ZNF808: variants seen among roughly 807,000 people sequenced by gnomAD.
The protein encoded by ZNF808 is zinc finger protein 808.
A neutral mutation model predicts 8.7 loss-of-function variants in ZNF808; 5 were observed. The ratio of observed to expected loss-of-function variants is 0.58; its 90% CI spans 0.30 to 1.21. The LOEUF is 1.21. Ranked by LOEUF, ZNF808 falls within the 50% of genes most tolerant of loss-of-function variation. The pLI, the probability that ZNF808 is intolerant of heterozygous loss-of-function variation, is 0.07. For synonymous variants in ZNF808, 380 were observed against 366.0 expected (o/e 1.04, Z -0.44); for missense variants, 1,103 against 1,098.4 (o/e 1.00, Z -0.06).
intron 4 of ZNF808, among the ~76,000 whole-genome samples, chr19:52,550,094 T>C (rs1264211226): frequency 1.3e-5 from 2 of 152,232 alleles, no homozygotes; most frequent in Admixed American, 1.3e-4. Flanking sequence ...CCTAAGAACA[T>C]GTCGTGGGAT....
chr19:52,564,285 C>T (rs1036257305), exon 4 of ZNF808: 5 of 695,148 alleles, frequency 7.2e-6, no homozygotes, highest in East Asian at 2.7e-5. Flanking sequence ...ATCATAATCA[C>T]GTTACTTAAG....
chr19:52,549,604 A>T (rs2059755690), intron 4 of ZNF808, among the ~76,000 whole-genome samples: 1 of 152,010 alleles, frequency 6.6e-6, no homozygotes, highest in African/African-American at 2.4e-5. Flanking sequence ...ACTTTCGTCC[A>T]AGCTCAAGAT....
intron 1 of ZNF808, among the ~76,000 whole-genome samples, chr19:52,530,705 T>C (rs1410338037): frequency 6.6e-6 from 1 of 150,486 alleles, no homozygotes; most frequent in Non-Finnish European, 1.5e-5. Context: ...ACATCAAAGT[T>C]GGGCCTGGTG....
downstream of ZNF808, among the ~76,000 whole-genome samples, chr19:52,561,177 TC>T (rs1164737355): frequency 4.4e-5 from 2 of 45,796 alleles, no homozygotes; most frequent in Middle Eastern, 0.01. Flanking sequence ...TCTCTCTCTC[TC>T]TCTCTCTCTC....
chr19:52,550,299 C>G (rs1423647496), intron 4 of ZNF808, among the ~76,000 whole-genome samples: 2 of 151,080 alleles, frequency 1.3e-5, no homozygotes, highest in Non-Finnish European at 2.9e-5. Flanking sequence ...TGCACAATCT[C>G]AGTTCACCAC....
chr19:52,543,213 A>C, intron 2 of ZNF808, 53 bp from the exon 3 acceptor site: 1 of 1,580,402 alleles, frequency 6.3e-7, no homozygotes, highest in Middle Eastern at 1.7e-4. Context: ...GTTTTGTCAC[A>C]GGAAGGGAGT....
At chr19:52,548,596 G>A (rs956114404) in intron 4 of ZNF808, among the ~76,000 whole-genome samples, 2 of 152,040 alleles carry the variant, frequency 1.3e-5, no homozygotes, top group Non-Finnish European at 2.9e-5. Context: ...GTAATTTTTG[G>A]TGGTTCTATT....
At chr19:52,563,472 A>G (rs1169093875) in exon 4 of ZNF808, 1 of 152,318 alleles carries the variant, frequency 6.6e-6, no homozygotes, top group African/African-American at 2.4e-5. Flanking sequence ...GGTCAAGACT[A>G]TAGTGAGCTG....
At chr19:52,541,452 T>C (rs2608514) in intron 2 of ZNF808, among the ~76,000 whole-genome samples, 109,172 of 151,662 alleles carry the variant, frequency 0.72, 40,796 homozygotes, top group African/African-American at 0.93. Context: ...ATCAGCCACA[T>C]GTCCTTCCTC....
chr19:52,536,587 T>C (rs2059613870), intron 2 of ZNF808, among the ~76,000 whole-genome samples: 1 of 152,110 alleles, frequency 6.6e-6, no homozygotes, highest in South Asian at 2.1e-4. Context: ...GTAGGGCAGG[T>C]CCCAGCGGCT....
At position 52,554,781 on chromosome 19, in the gene ZNF808, C is replaced by G. The variant is rs181918449; in HGVS notation, c.1865C>G (p.Pro622Arg). 6.2e-7 allele frequency: 1 copy of G among 1,613,794 alleles called. No individual in the cohort carries two copies. The highest frequency in any genetic ancestry group is 8.5e-7 in the Non-Finnish European group (1 of 1,179,970). Residue 622 changes from proline (P) to arginine (R), a missense_variant, in exon 5 of 5, where the codon CCA (proline) becomes CGA (arginine). Physicochemically the swap from Pro to Arg is moderately radical, Grantham distance 103 (BLOSUM62 -2). Transcript: ENST00000359798. ...AAGAGAATTCATACTGGAGAGAAACCATACAGATGTCAGGTTTGTGACACA... is the reference window on the plus strand; with the variant it reads ...AAGAGAATTCATACTGGAGAGAAACGATACAGATGTCAGGTTTGTGACACA... ...SHKRIHTGEK[P>R]YRCQVCDTAF... is the part of the protein sequence containing the mutation.
chr19:52,551,023 C>G (rs2059771442), intron 4 of ZNF808, among the ~76,000 whole-genome samples: 1 of 151,840 alleles, frequency 6.6e-6, no homozygotes, highest in Non-Finnish European at 1.5e-5. Flanking sequence ...GAGTTTGAGA[C>G]CAGTCAGGCA....
chr19:52,540,503 T>C (rs2059660395), intron 2 of ZNF808, among the ~76,000 whole-genome samples: 1 of 152,182 alleles, frequency 6.6e-6, no homozygotes, highest in Non-Finnish European at 1.5e-5. Flanking sequence ...TGTTGTTAGG[T>C]TGTTTCAGTG....
intron 2 of ZNF808, among the ~76,000 whole-genome samples, chr19:52,539,547 G>T (rs2868488): frequency 0.049 from 3,558 of 72,804 alleles, 311 homozygotes; most frequent in Middle Eastern, 0.1. Flanking sequence ...TTGTTGTGGT[G>T]GTTTTTTTTT....
rs2059815128 is a variant in ZNF808, at chr19:52,554,601, C to G, written c.1685C>G (p.Thr562Ser). 6.2e-7 allele frequency: 1 copy of G among 1,613,588 alleles called. No individual in the cohort carries two copies. Among genetic ancestry groups the G allele is most frequent in the Non-Finnish European group, 8.5e-7 (1 of 1,179,752 alleles). ...SVLAVHTRIH[T>S]AKKPYKCNEC... ...CTGGCTGTACATACTAGAATTCACACTGCAAAGAAACCTTACAAGTGTAAT... is the reference window on the plus strand; with the variant it reads ...CTGGCTGTACATACTAGAATTCACAGTGCAAAGAAACCTTACAAGTGTAAT... The change falls in exon 5 of 5, where the codon ACT becomes AGT. Residue 562 changes from threonine (T) to serine (S), a missense_variant. Coordinates refer to ENST00000359798, the MANE Select transcript of ZNF808 (RefSeq NM_001039886.4).
downstream of ZNF808, among the ~76,000 whole-genome samples, chr19:52,561,212 C>CTCTCTCTCTATA: frequency 2.5e-5 from 1 of 40,056 alleles, no homozygotes; most frequent in Non-Finnish European, 4.6e-5. Context: ...CTCTCTCTCT[C>CTCTCTCTCTATA]TATATATATA....
chr19:52,531,098 A>T (rs1417412557), intron 1 of ZNF808, among the ~76,000 whole-genome samples: 1 of 152,202 alleles, frequency 6.6e-6, no homozygotes, highest in African/African-American at 2.4e-5. Context: ...CTACACTGCA[A>T]GCTGAGTGAC....
chr19:52,528,876 G>A (rs980927430), intron 1 of ZNF808, among the ~76,000 whole-genome samples: 1 of 151,936 alleles, frequency 6.6e-6, no homozygotes, highest in Non-Finnish European at 1.5e-5. Flanking sequence ...GGGAGAAGGA[G>A]CAATAAGAGG....
In ZNF808 at chr19:52,539,879, C is replaced by T. The variant is rs1479738279; in HGVS notation, c.-19-3387C>T. Among the ~76,000 whole-genome samples the T allele has an allele frequency of 3.3e-5, 5 of 151,788 alleles. No homozygotes were observed. The East Asian group carries it at 9.7e-4, about 30-fold the overall frequency. ...TTGTTATTGTTTTGAGACACTTTTACTGTTTCCCAGGCTGGAGTGCAGTGG... is the reference window on the plus strand; with the variant it reads ...TTGTTATTGTTTTGAGACACTTTTATTGTTTCCCAGGCTGGAGTGCAGTGG... On this transcript the variant is annotated intron_variant, in intron 2 of 4. Coordinates refer to ENST00000359798, the MANE Select transcript of ZNF808 (RefSeq NM_001039886.4).
Sources: allele counts gnomAD v4.1 joint callset (sites outside exome capture counted in the v4.1 genomes callset), GRCh38; gene constraint gnomAD v4.1.1; transcripts MANE v1.5; gene names NCBI Gene and HGNC (gene_info 2026-07-23, HGNC 2026-07-21).